The following KIF26B variants were observed in gnomAD, a reference collection of about 807,000 sequenced individuals.
The protein encoded by KIF26B is kinesin-like protein KIF26B.
In KIF26B, 63 loss-of-function variants were observed where a neutral mutation model predicts 151.2. The ratio of observed to expected loss-of-function variants is 0.42; its 90% CI spans 0.34 to 0.51. KIF26B has a LOEUF of 0.51. Ranked by LOEUF, KIF26B falls within the 20% of genes least tolerant of loss-of-function variation. The pLI is 0.07. For synonymous variants in KIF26B, 1,357 were observed against 1,262.1 expected, an observed-to-expected ratio of 1.08 and a Z score of -1.59; for missense variants, 2,813 against 2,913.6, an observed-to-expected ratio of 0.97 and a Z score of 0.79.
At chr1:245,459,536 T>C (rs1192109678) in intron 4 of KIF26B, among the ~76,000 whole-genome samples, 1 of 152,196 alleles carries the variant, frequency 6.6e-6, no homozygotes, top group Non-Finnish European at 1.5e-5. Flanking sequence ...CTTTATACCT[T>C]CCTTAAGACT....
chr1:245,273,416 CAA>C (rs36085161), intron 2 of KIF26B, among the ~76,000 whole-genome samples: 24 of 127,128 alleles, frequency 1.9e-4, no homozygotes, highest in Non-Finnish European at 2.5e-4. Flanking sequence ...AGACTTATCT[CAA>C]AAAAAAAAAA....
intron 4 of KIF26B, among the ~76,000 whole-genome samples, chr1:245,438,323 A>G (rs944766179): frequency 2.0e-5 from 3 of 152,210 alleles, no homozygotes; most frequent in Non-Finnish European, 2.9e-5. Flanking sequence ...GGACACAGAA[A>G]GCTCTAAAGA....
intron 4 of KIF26B, among the ~76,000 whole-genome samples, chr1:245,492,451 C>G (rs1407150049): frequency 6.6e-6 from 1 of 152,200 alleles, no homozygotes; most frequent in Admixed American, 6.5e-5. Flanking sequence ...CTTCAATAAC[C>G]TCAGTTTCTC....
chr1:245,277,676 CA>C (rs1670963493), intron 2 of KIF26B, among the ~76,000 whole-genome samples: 1 of 152,166 alleles, frequency 6.6e-6, no homozygotes, highest in African/African-American at 2.4e-5. Flanking sequence ...CTAAAAGCTA[CA>C]GGTTGCATTC....
At chr1:245,248,028 C>T (rs1670368826) in intron 2 of KIF26B, among the ~76,000 whole-genome samples, 1 of 152,080 alleles carries the variant, frequency 6.6e-6, no homozygotes, top group Non-Finnish European at 1.5e-5. Context: ...AGTCACAGCA[C>T]CAACAGTGCC....
intron 5 of KIF26B, among the ~76,000 whole-genome samples, chr1:245,561,864 C>G (rs770058548): frequency 1.3e-5 from 2 of 152,170 alleles, no homozygotes; most frequent in Non-Finnish European, 2.9e-5. Flanking sequence ...CATCAGTCCA[C>G]CTGATTCTCA....
intron 3 of KIF26B, among the ~76,000 whole-genome samples, chr1:245,373,375 A>T (rs138497299): frequency 3.3e-4 from 50 of 152,300 alleles, no homozygotes; most frequent in African/African-American, 1.2e-3. Flanking sequence ...ATCATACTTA[A>T]TAAATCCTTA....
intron 10 of KIF26B, among the ~76,000 whole-genome samples, chr1:245,678,847 G>A (rs991013673): frequency 6.7e-6 from 1 of 149,984 alleles, no homozygotes; most frequent in African/African-American, 2.4e-5. Flanking sequence ...CGGGTGACAG[G>A]GCAAGACTTC....
intron 3 of KIF26B, among the ~76,000 whole-genome samples, chr1:245,408,417 C>T (rs538281003): frequency 5.3e-5 from 7 of 132,646 alleles, no homozygotes; most frequent in South Asian, 2.4e-4. Context: ...TGCAGTGGTG[C>T]GATCTCAGCT....
At chr1:245,533,045 C>T (rs1352078888) in intron 4 of KIF26B, among the ~76,000 whole-genome samples, 2 of 152,170 alleles carry the variant, frequency 1.3e-5, no homozygotes, top group African/African-American at 4.8e-5. Flanking sequence ...GTTCCCTATC[C>T]CTGCTGTTTA....
intron 10 of KIF26B, among the ~76,000 whole-genome samples, chr1:245,658,758 C>G (rs1046615140): frequency 1.3e-5 from 2 of 152,222 alleles, no homozygotes; most frequent in Admixed American, 6.5e-5. Context: ...TGAGGCTTAT[C>G]TCAAATATCA....
chr1:245,168,206 G>T (rs1490130704), intron 2 of KIF26B, among the ~76,000 whole-genome samples: 1 of 152,214 alleles, frequency 6.6e-6, no homozygotes, highest in Non-Finnish European at 1.5e-5. Context: ...AAATCCAAGT[G>T]GGTTTCTGGC....
At chr1:245,582,101 C>T (rs999279679) in intron 5 of KIF26B, among the ~76,000 whole-genome samples, 2 of 152,198 alleles carry the variant, frequency 1.3e-5, no homozygotes, top group Non-Finnish European at 2.9e-5. Context: ...AGGACCTTTA[C>T]AGCCTTTGGA....
chr1:245,390,149 T>C (rs922405395), intron 3 of KIF26B, among the ~76,000 whole-genome samples: 4 of 149,902 alleles, frequency 2.7e-5, no homozygotes, highest in African/African-American at 7.5e-5. Flanking sequence ...CTATTACTCA[T>C]TGTCATATAT....
intron 10 of KIF26B, among the ~76,000 whole-genome samples, chr1:245,647,439 AAAAAGAAAAAAAAG>A (rs2043963769): frequency 1.5e-5 from 2 of 136,134 alleles, no homozygotes; most frequent in Admixed American, 7.8e-5. Context: ...AAAAAAAAAA[AAAAAGAAAAAAAAG>A]AAAATTTATT....
At chr1:245,502,338 C>A (rs1271516340) in intron 4 of KIF26B, among the ~76,000 whole-genome samples, 3 of 152,158 alleles carry the variant, frequency 2.0e-5, no homozygotes, top group African/African-American at 7.2e-5. Context: ...ACCAGCCTAA[C>A]CAACATGGTG....
intron 2 of KIF26B, among the ~76,000 whole-genome samples, chr1:245,230,897 A>G (rs761670638): frequency 3.9e-5 from 6 of 152,168 alleles, no homozygotes; most frequent in Non-Finnish European, 8.8e-5. Context: ...AGAAAACCTA[A>G]TACCAGAAAT....
At chr1:245,171,642 G>A in intron 2 of KIF26B, among the ~76,000 whole-genome samples, 1 of 152,188 alleles carries the variant, frequency 6.6e-6, no homozygotes, top group East Asian at 1.9e-4. Context: ...TTTTCTCCTG[G>A]GAACTTCAGC....
At chr1:245,414,463 T>G (rs1388335282) in intron 3 of KIF26B, among the ~76,000 whole-genome samples, 6 of 152,128 alleles carry the variant, frequency 3.9e-5, no homozygotes, top group Non-Finnish European at 5.9e-5. Flanking sequence ...GCGTGAGGCT[T>G]GTTTGTGTTG....
Sources: gnomAD v4.1 joint callset for allele counts (sites outside exome capture counted in the v4.1 genomes callset) on GRCh38, gnomAD v4.1.1 for gene constraint, MANE v1.5 for transcripts, NCBI Gene and HGNC (gene_info 2026-07-23, HGNC 2026-07-21) for gene names.